SNW1: variants seen among roughly 807,000 people sequenced by gnomAD.
SNW1 encodes the protein SNW domain-containing protein 1.
A neutral mutation model predicts 75.6 loss-of-function variants in SNW1; 9 were observed. That is an observed-to-expected ratio of 0.12 (90% CI 0.07 to 0.21). SNW1 has a LOEUF of 0.21. SNW1 is among the 10% of genes least tolerant of loss of function. The pLI, the probability that SNW1 is intolerant of heterozygous loss-of-function variation, is 1.00. For synonymous variants in SNW1, 200 were observed against 219.1 expected, an observed-to-expected ratio of 0.91 and a Z score of 0.77; for missense variants, 409 against 670.9, an observed-to-expected ratio of 0.61 and a Z score of 4.31.
intron 10 of SNW1, 40 bp from the exon 11 acceptor site, chr14:77,723,317 TTA>T (rs1363499022): frequency 2.1e-6 from 3 of 1,427,546 alleles, no homozygotes; most frequent in Non-Finnish European, 3.0e-6. Context: ...GTAATATGTA[TTA>T]TATGTGTGCA....
At chr14:77,761,070 A>C in intron 1 of SNW1, 44 bp downstream of exon 1, 1 of 1,614,116 alleles carries the variant, frequency 6.2e-7, no homozygotes, top group East Asian at 2.2e-5. Flanking sequence ...GAAGACTGGT[A>C]CTCCCAGACC....
chr14:77,738,073 G>A (rs1293115463), intron 5 of SNW1, among the ~76,000 whole-genome samples: 1 of 151,596 alleles, frequency 6.6e-6, no homozygotes. Flanking sequence ...GGGACCTGAG[G>A]AGGATGGATC....
intron 10 of SNW1, among the ~76,000 whole-genome samples, chr14:77,728,051 T>TAAA (rs60328090): frequency 0.029 from 4,129 of 143,788 alleles, 77 homozygotes; most frequent in Non-Finnish European, 0.032. Context: ...TGTTAATTGT[T>TAAA]AAAAAAAAAA....
At chr14:77,743,678 T>C (rs1342545145) in intron 3 of SNW1, among the ~76,000 whole-genome samples, 2 of 152,194 alleles carry the variant, frequency 1.3e-5, no homozygotes, top group Non-Finnish European at 2.9e-5. Flanking sequence ...AAACAGGGCA[T>C]CACTGCCACC....
intron 3 of SNW1, among the ~76,000 whole-genome samples, chr14:77,744,203 AG>A (rs2080740724): frequency 6.6e-6 from 1 of 151,782 alleles, no homozygotes. Context: ...CTATAATCCC[AG>A]CACTTTGGGA....
chr14:77,720,867 A>G (rs1202541340), intron 11 of SNW1, 39 bp from the exon 12 acceptor site: 3 of 1,266,056 alleles, frequency 2.4e-6, no homozygotes, highest in South Asian at 2.4e-5. Context: ...AAAACTCTTT[A>G]TAGACAAGCT....
chr14:77,724,336 T>A (rs1168727867), intron 10 of SNW1, among the ~76,000 whole-genome samples: 1 of 152,258 alleles, frequency 6.6e-6, no homozygotes, highest in East Asian at 1.9e-4. Context: ...ATTCTAAATC[T>A]TCTAGCTATT....
intron 3 of SNW1, among the ~76,000 whole-genome samples, chr14:77,740,135 TAAAA>T (rs1170373918): frequency 1.4e-4 from 9 of 65,182 alleles, no homozygotes; most frequent in Non-Finnish European, 1.7e-4. Flanking sequence ...CACTGTATAT[TAAAA>T]AAAAAAAAAA....
chr14:77,734,044 AGGGTGAGTATATAAATTCTCTT>A (rs1425064194), intron 8 of SNW1: 6 of 304,378 alleles, frequency 2.0e-5, no homozygotes, highest in African/African-American at 1.3e-4. Flanking sequence ...CTCTTTGTTT[AGGGTGAGTATATAAATTCTCTT>A]AAGAAACCTG....
chr14:77,756,185 A>G (rs1022167828), intron 1 of SNW1, among the ~76,000 whole-genome samples: 3 of 151,920 alleles, frequency 2.0e-5, no homozygotes, highest in African/African-American at 4.8e-5. Flanking sequence ...CAGTGGTGCA[A>G]CCTCGGCTCA....
intron 3 of SNW1, among the ~76,000 whole-genome samples, chr14:77,747,208 C>T (rs1330410211): frequency 1.3e-5 from 2 of 152,158 alleles, no homozygotes; most frequent in Non-Finnish European, 2.9e-5. Context: ...CGGAGTCTCA[C>T]TCACTCAGTG....
At chr14:77,732,314 GC>G (rs1376379059) in intron 9 of SNW1, among the ~76,000 whole-genome samples, 170 bp downstream of exon 9, 2 of 152,318 alleles carry the variant, frequency 1.3e-5, no homozygotes, top group South Asian at 2.1e-4. Context: ...ATCTACAAAA[GC>G]TGGGAGCATG....
At chr14:77,721,282 A>G (rs773866212) in intron 11 of SNW1, among the ~76,000 whole-genome samples, 2 of 152,210 alleles carry the variant, frequency 1.3e-5, no homozygotes, top group Non-Finnish European at 2.9e-5. Flanking sequence ...ATTTTGAGGA[A>G]AACATGTCAA....
intron 1 of SNW1, among the ~76,000 whole-genome samples, chr14:77,755,568 G>A (rs1226323313): frequency 2.0e-5 from 3 of 148,290 alleles, no homozygotes; most frequent in Non-Finnish European, 3.0e-5. Context: ...ACAAGCATGC[G>A]CCACCACACC....
intron 10 of SNW1, among the ~76,000 whole-genome samples, chr14:77,725,244 CT>C (rs1356347291): frequency 6.6e-6 from 1 of 152,192 alleles, no homozygotes; most frequent in Non-Finnish European, 1.5e-5. Flanking sequence ...TTAATTCTTT[CT>C]TAAATGGATA....
intron 3 of SNW1, among the ~76,000 whole-genome samples, chr14:77,747,489 C>A (rs912518270): frequency 3.3e-5 from 5 of 151,666 alleles, no homozygotes; most frequent in African/African-American, 1.2e-4. Flanking sequence ...TCTGCCCGGC[C>A]GCCCATCGTC....
intron 5 of SNW1, among the ~76,000 whole-genome samples, chr14:77,737,529 T>C (rs1205303791): frequency 6.6e-6 from 1 of 152,142 alleles, no homozygotes; most frequent in African/African-American, 2.4e-5. Flanking sequence ...TCAATATCTG[T>C]ATGTGATTCA....
At chr14:77,727,302 C>G (rs1302896694) in intron 10 of SNW1, among the ~76,000 whole-genome samples, 2 of 152,168 alleles carry the variant, frequency 1.3e-5, no homozygotes, top group African/African-American at 2.4e-5. Context: ...GATTGCCCAT[C>G]TCAGCCTCCC....
At chr14:77,730,758 G>T in intron 10 of SNW1, 1 of 458,802 alleles carries the variant, frequency 2.2e-6, no homozygotes, top group Non-Finnish European at 3.8e-6. Flanking sequence ...ACACTGCTCA[G>T]AAGTTTAAAA....
Sources: gnomAD v4.1 joint callset for allele counts (sites outside exome capture counted in the v4.1 genomes callset) on GRCh38, gnomAD v4.1.1 for gene constraint, MANE v1.5 for transcripts, NCBI Gene and HGNC (gene_info 2026-07-23, HGNC 2026-07-21) for gene names.